LRRC4C: variants seen among roughly 807,000 people sequenced by gnomAD.
The protein encoded by LRRC4C is leucine rich repeat containing 4C.
A neutral mutation model predicts 33.6 loss-of-function variants in LRRC4C; 5 were observed. The observed-to-expected ratio is 0.15, with a 90% CI of 0.08 to 0.31. The LOEUF (loss-of-function observed/expected upper bound fraction) is 0.31, where lower values mean the gene tolerates loss of function less well. Among genes scored for constraint, LRRC4C ranks in the 10% least tolerant of loss-of-function variants. The pLI is 1.00. For missense variants in LRRC4C, 560 were observed against 796.7 expected, an observed-to-expected ratio of 0.70 and a Z score of 3.58; for synonymous variants, 329 against 302.0, an observed-to-expected ratio of 1.09 and a Z score of -0.93.
intron 1 of LRRC4C, among the ~76,000 whole-genome samples, chr11:41,120,218 A>G (rs1023473032): frequency 6.6e-6 from 1 of 152,094 alleles, no homozygotes; most frequent in African/African-American, 2.4e-5. Context: ...AAACTCACAA[A>G]TTTTTACTAT....
chr11:40,363,159 A>G (rs1948040484), intron 3 of LRRC4C, among the ~76,000 whole-genome samples: 1 of 152,160 alleles, frequency 6.6e-6, no homozygotes, highest in African/African-American at 2.4e-5. Context: ...ATCATCCTAA[A>G]TGCCCATCAA....
intron 2 of LRRC4C, among the ~76,000 whole-genome samples, chr11:40,751,707 T>C (rs534409820): frequency 1.3e-5 from 2 of 152,230 alleles, no homozygotes; most frequent in South Asian, 4.1e-4. Flanking sequence ...CTCCAATCCT[T>C]ATCAAAATAC....
intron 3 of LRRC4C, among the ~76,000 whole-genome samples, chr11:40,453,110 A>G (rs936664459): frequency 2.6e-5 from 4 of 152,176 alleles, no homozygotes; most frequent in Non-Finnish European, 5.9e-5. Flanking sequence ...GCAGCGCACC[A>G]GCATGGCACA....
intron 2 of LRRC4C, among the ~76,000 whole-genome samples, chr11:40,869,844 G>T (rs1220046359): frequency 6.6e-6 from 1 of 152,096 alleles, no homozygotes; most frequent in Non-Finnish European, 1.5e-5. Flanking sequence ...ACTTTCCTTT[G>T]TGTTATTCCT....
intron 3 of LRRC4C, among the ~76,000 whole-genome samples, chr11:40,326,670 G>A (rs1283988688): frequency 6.6e-6 from 1 of 152,146 alleles, no homozygotes; most frequent in Non-Finnish European, 1.5e-5. Flanking sequence ...ATTGCTTCTG[G>A]AGTATTATAA....
Position 40,451,784 on chromosome 11 carries a change from G to A in LRRC4C, c.-269-132063C>T, listed in dbSNP as rs533834352. 9.2e-4 allele frequency among the ~76,000 whole-genome samples: 140 copies of A among 152,194 alleles called. 3 individuals carry two copies. Among genetic ancestry groups the A allele is most frequent in the African/African-American group, 2.1e-3 (86 of 41,528 alleles). ...TTGTAGAAACACAAACTACTAAACC[G>A]ACTTAAAAATAAATGGAGGGGAGTA... On this transcript the variant is annotated intron_variant, in intron 3 of 6. Coordinates refer to ENST00000528697, the MANE Select transcript of LRRC4C (RefSeq NM_001258419.2).
chr11:41,252,835 A>G (rs945063100), intron 1 of LRRC4C, among the ~76,000 whole-genome samples: 1 of 151,944 alleles, frequency 6.6e-6, no homozygotes, highest in Non-Finnish European at 1.5e-5. Context: ...GCACAGGGGA[A>G]CTCCCTTTAT....
intron 3 of LRRC4C, among the ~76,000 whole-genome samples, chr11:40,579,171 T>C (rs1024499235): frequency 1.3e-5 from 2 of 152,126 alleles, no homozygotes; most frequent in Admixed American, 6.6e-5. Context: ...ATCCCATTTC[T>C]ACCAAAAATA....
intron 3 of LRRC4C, among the ~76,000 whole-genome samples, chr11:40,431,137 T>C (rs1462568518): frequency 2.3e-5 from 3 of 130,954 alleles, no homozygotes; most frequent in Admixed American, 1.5e-4. Flanking sequence ...CATTGTACTT[T>C]AAAAAAAAAA....
chr11:40,244,998 G>C (rs1336204399), intron 4 of LRRC4C, among the ~76,000 whole-genome samples: 1 of 151,984 alleles, frequency 6.6e-6, no homozygotes. Flanking sequence ...ACATCAATAG[G>C]CTCCTAAAGA....
chr11:41,304,952 C>T (rs1950439669), intron 1 of LRRC4C, among the ~76,000 whole-genome samples: 2 of 120,892 alleles, frequency 1.7e-5, no homozygotes, highest in African/African-American at 3.0e-5. Flanking sequence ...CCAGCCGCCC[C>T]GTCCGGGAGG....
chr11:40,733,061 G>GTTTTTTTTT (rs544471413), intron 2 of LRRC4C, among the ~76,000 whole-genome samples: 3 of 57,640 alleles, frequency 5.2e-5, no homozygotes, highest in Admixed American at 3.1e-4. Flanking sequence ...TATGAATATA[G>GTTTTTTTTT]TTTTTTTTTT....
At chr11:40,374,463 C>T (rs1211594916) in intron 3 of LRRC4C, among the ~76,000 whole-genome samples, 4 of 152,078 alleles carry the variant, frequency 2.6e-5, no homozygotes, top group Admixed American at 6.6e-5. Flanking sequence ...TTGATATTCT[C>T]CTATAATAAA....
intron 2 of LRRC4C, among the ~76,000 whole-genome samples, chr11:40,731,187 C>T (rs1465430959): frequency 6.6e-6 from 1 of 151,714 alleles, no homozygotes; most frequent in Non-Finnish European, 1.5e-5. Context: ...GGCGTGGTGG[C>T]AAGTGCCTGT....
chr11:40,233,730 T>A (rs2136030599), intron 5 of LRRC4C, among the ~76,000 whole-genome samples: 1 of 152,346 alleles, frequency 6.6e-6, no homozygotes, highest in Non-Finnish European at 1.5e-5. Context: ...GTATTCATTT[T>A]TAAATAAGCA....
At chr11:40,556,213 A>C (rs564216764) in intron 3 of LRRC4C, among the ~76,000 whole-genome samples, 3 of 152,354 alleles carry the variant, frequency 2.0e-5, no homozygotes, top group African/African-American at 4.8e-5. Flanking sequence ...GTTCTTTCGC[A>C]TAAGTAGTAT....
At position 41,182,114 on chromosome 11, in the gene LRRC4C, A is replaced by G. The variant is rs551599405; in HGVS notation, c.-495-248391T>C. Among the ~76,000 whole-genome samples, 3 of 152,318 alleles carry G rather than the reference A, an allele frequency of 2.0e-5. No homozygotes were observed. The South Asian group carries it at 6.2e-4, about 32-fold the overall frequency. ...ATAACTATTTAATGGTCATGTTGGA[A>G]ATACTTTTTTAAAGCAATTATACTC... On this transcript the variant is annotated intron_variant, in intron 1 of 6. Transcript: ENST00000528697.
intron 2 of LRRC4C, among the ~76,000 whole-genome samples, chr11:40,760,781 T>TTG (rs1293844206): frequency 9.9e-6 from 1 of 101,250 alleles, no homozygotes; most frequent in African/African-American, 4.0e-5. Context: ...TGGCCAATTT[T>TTG]TGTGTGTATA....
intron 1 of LRRC4C, among the ~76,000 whole-genome samples, chr11:40,978,173 T>A (rs1193837336): frequency 6.6e-6 from 1 of 152,240 alleles, no homozygotes; most frequent in Non-Finnish European, 1.5e-5. Context: ...CCAAATCTTC[T>A]CCTGTCTTTA....
Sources: allele counts gnomAD v4.1 joint callset (sites outside exome capture counted in the v4.1 genomes callset), GRCh38; gene constraint gnomAD v4.1.1; transcripts MANE v1.5; gene names NCBI Gene and HGNC (gene_info 2026-07-23, HGNC 2026-07-21).